Variants in GMPR observed in about 807,000 individuals in gnomAD.
GMPR encodes the protein guanosine monophosphate reductase.
Under a neutral mutation model 38.4 loss-of-function variants are expected in GMPR, and 31 were observed. The observed-to-expected ratio is 0.81, with a 90% CI of 0.61 to 1.09. The LOEUF is 1.09. Ranked by LOEUF, GMPR falls within the 50% of genes least tolerant of loss-of-function variation. The pLI is 0.00. For missense variants in GMPR, 468 were observed against 453.7 expected (o/e 1.03, Z -0.29); for synonymous variants, 162 against 173.3 (o/e 0.93, Z 0.51).
chr6:16,288,008 A>G (rs1209474060), intron 7 of GMPR, among the ~76,000 whole-genome samples: 2 of 152,192 alleles, frequency 1.3e-5, no homozygotes, highest in Non-Finnish European at 2.9e-5. Context: ...ATTACTTAAT[A>G]CATCTGCGCC....
intron 6 of GMPR, among the ~76,000 whole-genome samples, chr6:16,284,845 T>A (rs1441452779): frequency 1.3e-5 from 2 of 151,498 alleles, no homozygotes; most frequent in East Asian, 3.9e-4. Context: ...CGTGGCGAAA[T>A]CCCGTCTCTA....
chr6:16,280,279 T>C (rs1398169262), intron 6 of GMPR, among the ~76,000 whole-genome samples: 1 of 152,184 alleles, frequency 6.6e-6, no homozygotes, highest in African/African-American at 2.4e-5. Context: ...GGAATGGTGC[T>C]CAGGTAACAA....
intron 7 of GMPR, among the ~76,000 whole-genome samples, chr6:16,288,514 C>T (rs977826563): frequency 2.0e-5 from 3 of 152,202 alleles, no homozygotes; most frequent in African/African-American, 4.8e-5. Context: ...CGGGACCTGC[C>T]GCCCGCCATG....
chr6:16,238,632 C>A lies in GMPR; in HGVS notation c.-62C>A. Reference sequence around the variant, plus strand: ...CACAGCAGCCCCGGCGCTCCCCGCGCCGCCCCGCGCAGGCGCCCCCGCCCC... The same window carrying A: ...CACAGCAGCCCCGGCGCTCCCCGCGACGCCCCGCGCAGGCGCCCCCGCCCC... On this transcript the variant is annotated 5_prime_UTR_variant, in exon 1 of 9. Transcript: ENST00000259727. 1 of 640,450 alleles carries A rather than the reference C, an allele frequency of 1.6e-6. No homozygotes were observed. The highest frequency in any genetic ancestry group is 2.0e-6 in the Non-Finnish European group (1 of 494,668). The allele number at this position is 640,450 out of a possible 1,614,324, so 39.7% of individuals were successfully genotyped here. A position where few individuals can be genotyped will look rare whatever the true frequency, so the allele number is the denominator to read the frequency against.
chr6:16,263,594 C>T (rs1759129223), intron 4 of GMPR, among the ~76,000 whole-genome samples: 1 of 150,932 alleles, frequency 6.6e-6, no homozygotes, highest in African/African-American at 2.4e-5. Flanking sequence ...GGTTGGGATG[C>T]AGAGATAAGA....
chr6:16,254,885 G>T, intron 4 of GMPR, 150 bp downstream of exon 4: 1 of 571,406 alleles, frequency 1.8e-6, no homozygotes, highest in South Asian at 2.9e-5. Flanking sequence ...GGAAAGGATA[G>T]GTAGCCGCTG....
At chr6:16,285,729 G>A (rs1759666581) in intron 6 of GMPR, 64 bp from the exon 7 acceptor site, 3 of 1,370,750 alleles carry the variant, frequency 2.2e-6, no homozygotes. Flanking sequence ...TCATCTGGGG[G>A]GAGGGGACAG....
chr6:16,247,296 C>T (rs541896993), intron 2 of GMPR, among the ~76,000 whole-genome samples: 113 of 151,982 alleles, frequency 7.4e-4, no homozygotes, highest in East Asian at 9.6e-4. Context: ...GTATGCAGTC[C>T]GTGCTGCAGC....
Position 16,285,996 on chromosome 6 carries a change from C to G in GMPR, c.697+161C>G, listed in dbSNP as rs138728214. Among the ~76,000 whole-genome samples, 671 of 152,208 alleles carry G rather than the reference C, an allele frequency of 4.4e-3. 5 individuals are homozygous for G. Among genetic ancestry groups the G allele is most frequent in the Middle Eastern group, 6.8e-3 (2 of 294 alleles). On this transcript the variant is annotated intron_variant, in intron 7 of 8. Coordinates refer to ENST00000259727, the MANE Select transcript of GMPR (RefSeq NM_006877.4). Reference sequence around the variant, plus strand: ...GTTTCAGCCCCAATTGGCCCAAATCCTGGACCGTGGCAGAGCAGGTCACAG... The same window carrying G: ...GTTTCAGCCCCAATTGGCCCAAATCGTGGACCGTGGCAGAGCAGGTCACAG...
At chr6:16,288,270 G>C (rs1188813919) in intron 7 of GMPR, among the ~76,000 whole-genome samples, 1 of 152,260 alleles carries the variant, frequency 6.6e-6, no homozygotes. Flanking sequence ...GGCGCGAGTG[G>C]CAACCGAGGA....
At chr6:16,249,432 A>G (rs1758823506) in intron 2 of GMPR, among the ~76,000 whole-genome samples, 1 of 152,056 alleles carries the variant, frequency 6.6e-6, no homozygotes, top group Non-Finnish European at 1.5e-5. Context: ...AGCCTCCCCA[A>G]ATGCTGGGAT....
chr6:16,293,955 A>AT (rs1491131482), intron 8 of GMPR, among the ~76,000 whole-genome samples: 20 of 152,146 alleles, frequency 1.3e-4, no homozygotes, highest in Non-Finnish European at 2.5e-4. Context: ...TAATATACAC[A>AT]TGTGTAATAT....
intron 1 of GMPR, among the ~76,000 whole-genome samples, chr6:16,245,531 G>A (rs1758735620): frequency 6.6e-6 from 1 of 152,224 alleles, no homozygotes; most frequent in Non-Finnish European, 1.5e-5. Context: ...CTAAGTTACT[G>A]CAGAAGCATA....
At chr6:16,266,559 T>G (rs1197953826) in intron 4 of GMPR, among the ~76,000 whole-genome samples, 13 of 150,526 alleles carry the variant, frequency 8.6e-5, no homozygotes, top group African/African-American at 1.2e-4. Context: ...TCCTGGCACT[T>G]TGGGAGGCCG....
At chr6:16,248,747 GCT>G (rs1230946210) in intron 2 of GMPR, among the ~76,000 whole-genome samples, 1 of 152,092 alleles carries the variant, frequency 6.6e-6, no homozygotes, top group Non-Finnish European at 1.5e-5. Flanking sequence ...TCCCTGCTCT[GCT>G]CTGTCATCAG....
At chr6:16,262,753 C>T (rs1172026813) in intron 4 of GMPR, 11 of 151,902 alleles carry the variant, frequency 7.2e-5, no homozygotes, top group Non-Finnish European at 1.5e-4. Context: ...GGCTGTAAAG[C>T]GTCTCAGGGT....
intron 4 of GMPR, among the ~76,000 whole-genome samples, chr6:16,256,254 G>T (rs1288558127): frequency 1.3e-5 from 2 of 149,646 alleles, no homozygotes; most frequent in Non-Finnish European, 3.0e-5. Context: ...AGTGGCTAAT[G>T]CCTGTAATCC....
Position 16,238,717 on chromosome 6 carries a change from C to G in GMPR, c.24C>G (p.Leu8=), listed in dbSNP as rs377446870. The G allele has an allele frequency of 8.2e-5, 118 of 1,442,486 alleles. No homozygotes were observed. In the African/African-American group the frequency reaches 1.7e-3, roughly 20 times the overall value. 89.4% of individuals were successfully genotyped at this position (1,442,486 alleles called of 1,614,324 possible). Residue 8 remains leucine, a synonymous_variant, in exon 1 of 9, where the codon CTC becomes CTG. Transcript: ENST00000259727. The part of the protein sequence containing the change: MPRIDAD[L]KLDFKDVLLR... ...CCATGCCCCGCATAGATGCGGACCT[C>G]AAGCTCGACTTCAAGGATGTCCTGC...
chr6:16,289,784 T>C (rs1759797832), intron 7 of GMPR, among the ~76,000 whole-genome samples: 1 of 149,122 alleles, frequency 6.7e-6, no homozygotes, highest in African/African-American at 2.5e-5. Flanking sequence ...CCTGAGGGGG[T>C]ATCATAGAGG....
Sources: gnomAD v4.1 joint callset for allele counts (sites outside exome capture counted in the v4.1 genomes callset) on GRCh38, gnomAD v4.1.1 for gene constraint, MANE v1.5 for transcripts, NCBI Gene and HGNC (gene_info 2026-07-23, HGNC 2026-07-21) for gene names.